The following NCKAP5 variants were observed in gnomAD, a reference collection of about 807,000 sequenced individuals.
NCKAP5 encodes nck-associated protein 5.
In NCKAP5, 92 loss-of-function variants were observed where a neutral mutation model predicts 167.0. The ratio of observed to expected loss-of-function variants is 0.55; its 90% confidence interval spans 0.47 to 0.66. The LOEUF is 0.66. NCKAP5 is among the 30% of genes least tolerant of loss of function. NCKAP5 has a pLI of 0.00. For synonymous variants in NCKAP5, 891 were observed against 877.4 expected (o/e 1.02, Z -0.27); for missense variants, 2,378 against 2,315.0 (o/e 1.03, Z -0.56).
intron 2 of NCKAP5, among the ~76,000 whole-genome samples, chr2:133,543,891 T>C (rs1686434767): frequency 6.6e-6 from 1 of 152,242 alleles, no homozygotes; most frequent in Non-Finnish European, 1.5e-5. Context: ...TGCTTGTCTG[T>C]CTTTCCCACT....
At chr2:132,981,444 C>T (rs2077139075) in intron 7 of NCKAP5, among the ~76,000 whole-genome samples, 1 of 152,130 alleles carries the variant, frequency 6.6e-6, no homozygotes, top group Admixed American at 6.5e-5. Context: ...TTTCTCTCTC[C>T]TTTTGCATGC....
At chr2:133,281,956 T>G (rs937800346) in intron 4 of NCKAP5, among the ~76,000 whole-genome samples, 2 of 152,162 alleles carry the variant, frequency 1.3e-5, no homozygotes, top group East Asian at 3.9e-4. Flanking sequence ...TGCTAACAAT[T>G]CATTGGCCAG....
intron 5 of NCKAP5, among the ~76,000 whole-genome samples, chr2:133,187,209 C>T (rs751507714): frequency 1.3e-5 from 2 of 151,980 alleles, no homozygotes; most frequent in Non-Finnish European, 2.9e-5. Context: ...CTTTGATTTT[C>T]ACCCAAGAGT....
intron 4 of NCKAP5, among the ~76,000 whole-genome samples, chr2:133,267,793 A>G (rs2089312466): frequency 6.6e-6 from 1 of 152,226 alleles, no homozygotes; most frequent in Non-Finnish European, 1.5e-5. Context: ...TTTCAATAAT[A>G]TACTTTGAAC....
intron 8 of NCKAP5, among the ~76,000 whole-genome samples, chr2:132,923,735 T>C (rs934479223): frequency 6.6e-6 from 1 of 152,210 alleles, no homozygotes; most frequent in Non-Finnish European, 1.5e-5. Flanking sequence ...AAGGTACTGT[T>C]AGAAAAATCT....
Position 133,432,402 on chromosome 2 carries a change from C to T in NCKAP5, c.69+85056G>A, listed in dbSNP as rs577533664. On this transcript the variant is annotated intron_variant, in intron 3 of 19. Coordinates refer to ENST00000409261, the MANE Select transcript of NCKAP5 (RefSeq NM_207363.3). Reference sequence around the variant, plus strand: ...GTTTAAAATATTGCATTTCCCGTCTCCTGGTAGCACGGATCACTGAAGTGC... The same window carrying T: ...GTTTAAAATATTGCATTTCCCGTCTTCTGGTAGCACGGATCACTGAAGTGC... 3.5e-4 allele frequency among the ~76,000 whole-genome samples: 54 copies of T among 152,314 alleles called. No homozygotes were observed. In the South Asian group the frequency reaches 0.011, roughly 32 times the overall value.
chr2:133,262,992 A>G (rs1363506171), intron 4 of NCKAP5, among the ~76,000 whole-genome samples: 1 of 152,158 alleles, frequency 6.6e-6, no homozygotes, highest in African/African-American at 2.4e-5. Context: ...TTATAGAAAA[A>G]TTTGAGGAGT....
chr2:132,874,506 T>A (rs1320037011), intron 9 of NCKAP5, among the ~76,000 whole-genome samples: 2 of 152,312 alleles, frequency 1.3e-5, no homozygotes, highest in East Asian at 3.9e-4. Flanking sequence ...ATGTAGCATG[T>A]GGATCAGAGA....
intron 3 of NCKAP5, among the ~76,000 whole-genome samples, chr2:133,455,547 G>T (rs1412606938): frequency 6.6e-6 from 1 of 151,950 alleles, no homozygotes; most frequent in Admixed American, 6.6e-5. Flanking sequence ...TCTCCATTGG[G>T]TCCAATTTAC....
At chr2:133,151,535 A>G (rs1383020643) in intron 5 of NCKAP5, among the ~76,000 whole-genome samples, 1 of 152,182 alleles carries the variant, frequency 6.6e-6, no homozygotes, top group Non-Finnish European at 1.5e-5. Flanking sequence ...AAAAATATGA[A>G]AAGAGTCTAG....
intron 5 of NCKAP5, among the ~76,000 whole-genome samples, chr2:133,177,164 C>CTATATATATA (rs61395261): frequency 0.039 from 5,446 of 138,342 alleles, 147 homozygotes; most frequent in South Asian, 0.059. Context: ...GTTTTGTTTT[C>CTATATATATA]TATATATATA....
chr2:132,746,963 A>C (rs1327947622), intron 16 of NCKAP5, among the ~76,000 whole-genome samples: 2 of 152,124 alleles, frequency 1.3e-5, no homozygotes, highest in African/African-American at 4.8e-5. Context: ...CCCTGGGAGC[A>C]GTGGTATTAG....
chr2:133,290,724 TCTC>T (rs1321997558), intron 4 of NCKAP5, among the ~76,000 whole-genome samples: 43 of 120,058 alleles, frequency 3.6e-4, no homozygotes, highest in African/African-American at 1.2e-3. Context: ...CACAAGAATT[TCTC>T]CTTTTTTTTT....
At chr2:132,791,191 C>T (rs183858670) in intron 12 of NCKAP5, among the ~76,000 whole-genome samples, 30 of 152,352 alleles carry the variant, frequency 2.0e-4, no homozygotes, top group African/African-American at 7.2e-4. Context: ...ACTAAGTCCA[C>T]AACCAGATGC....
chr2:132,993,554 G>A (rs1190873168), intron 7 of NCKAP5, among the ~76,000 whole-genome samples: 1 of 152,158 alleles, frequency 6.6e-6, no homozygotes, highest in East Asian at 1.9e-4. Context: ...CAGGAGGACT[G>A]CATACACCCC....
intron 4 of NCKAP5, among the ~76,000 whole-genome samples, chr2:133,228,868 C>T (rs1365705414): frequency 1.3e-5 from 2 of 152,110 alleles, no homozygotes; most frequent in East Asian, 1.9e-4. Context: ...AAAATCAAAT[C>T]GTGACCAAAT....
At chr2:132,725,020 A>G (rs895926025) in intron 19 of NCKAP5, among the ~76,000 whole-genome samples, 1 of 152,226 alleles carries the variant, frequency 6.6e-6, no homozygotes, top group Non-Finnish European at 1.5e-5. Flanking sequence ...ACAATCCAGA[A>G]TGAATTAGAA....
intron 6 of NCKAP5, among the ~76,000 whole-genome samples, chr2:133,029,163 G>A (rs764099369): frequency 1.3e-5 from 2 of 152,146 alleles, no homozygotes; most frequent in Admixed American, 6.5e-5. Context: ...GGGAATTGAG[G>A]TCATGACAGA....
At chr2:133,540,933 CAAAAAAAAAA>C in intron 2 of NCKAP5, among the ~76,000 whole-genome samples, 1 of 100,050 alleles carries the variant, frequency 1.0e-5, no homozygotes, top group Non-Finnish European at 2.0e-5. Flanking sequence ...GACTCTGTCT[CAAAAAAAAAA>C]AAAAAAAAGA....
Sources: allele counts gnomAD v4.1 joint callset (sites outside exome capture counted in the v4.1 genomes callset), GRCh38; gene constraint gnomAD v4.1.1; transcripts MANE v1.5; gene names NCBI Gene and HGNC (gene_info 2026-07-23, HGNC 2026-07-21).